IMMP2L: variants seen among roughly 807,000 people sequenced by gnomAD.
IMMP2L encodes inner mitochondrial membrane peptidase subunit 2, also known as mitochondrial inner membrane protease subunit 2.
In IMMP2L, 18 loss-of-function variants were observed where a neutral mutation model predicts 19.3. That is an observed-to-expected ratio of 0.93 (90% CI 0.64 to 1.38). The LOEUF (loss-of-function observed/expected upper bound fraction) is 1.38, where lower values mean the gene tolerates loss of function less well. Among genes scored for constraint, IMMP2L ranks in the 40% most tolerant of loss-of-function variants. The pLI is 0.00. For missense variants in IMMP2L, 233 were observed against 218.2 expected, an observed-to-expected ratio of 1.07 and a Z score of -0.43; for synonymous variants, 76 against 73.0, an observed-to-expected ratio of 1.04 and a Z score of -0.21.
At chr7:110,784,004 T>C (rs1204684242) in intron 5 of IMMP2L, among the ~76,000 whole-genome samples, 3 of 151,914 alleles carry the variant, frequency 2.0e-5, no homozygotes, top group Admixed American at 2.0e-4. Context: ...TTATGTCTTT[T>C]ATGGCACAAA....
chr7:111,499,749 C>G (rs1843973433), intron 2 of IMMP2L, among the ~76,000 whole-genome samples: 1 of 152,134 alleles, frequency 6.6e-6, no homozygotes, highest in Admixed American at 6.5e-5. Context: ...TGGAATGGTT[C>G]CCTAATTTAT....
intron 3 of IMMP2L, among the ~76,000 whole-genome samples, chr7:111,020,543 C>A (rs945625040): frequency 6.6e-6 from 1 of 152,246 alleles, no homozygotes; most frequent in Admixed American, 6.5e-5. Context: ...AGGTGGATTG[C>A]TTGAGCATAG....
intron 3 of IMMP2L, among the ~76,000 whole-genome samples, chr7:111,402,322 A>T (rs1344635411): frequency 2.0e-5 from 3 of 151,916 alleles, no homozygotes; most frequent in African/African-American, 7.2e-5. Flanking sequence ...TTCCTTATTC[A>T]TCTCTATAGA....
chr7:111,348,980 G>C (rs1291366112), intron 3 of IMMP2L, among the ~76,000 whole-genome samples: 1 of 152,104 alleles, frequency 6.6e-6, no homozygotes. Context: ...TTCCCAAGTA[G>C]ACTGAGTTCT....
chr7:110,758,294 A>G lies in IMMP2L; in HGVS notation c.409-94573T>C, dbSNP rs1798149770. ...AGGAGAAAAAACACCAGTTGTGAGT[A>G]AAGACAACTTTTTGAAGGAGTTTCA... On this transcript the variant is annotated intron_variant, in intron 5 of 5. Coordinates refer to ENST00000405709, the MANE Select transcript of IMMP2L (RefSeq NM_032549.4). The surrounding 1 kb of genome is among the most constrained non-coding windows in gnomAD (Gnocchi z 4.6). Among the ~76,000 whole-genome samples the G allele has an allele frequency of 6.6e-6, 1 of 152,086 alleles. No homozygotes were observed. Among genetic ancestry groups the G allele is most frequent in the Admixed American group, 6.6e-5 (1 of 15,228 alleles).
chr7:111,474,417 C>T (rs1188421833), intron 3 of IMMP2L, among the ~76,000 whole-genome samples: 1 of 151,970 alleles, frequency 6.6e-6, no homozygotes, highest in East Asian at 1.9e-4. Flanking sequence ...ATCACTTCTC[C>T]CATTTATAAA....
chr7:111,251,915 T>C (rs1172513778), intron 3 of IMMP2L, among the ~76,000 whole-genome samples: 1 of 151,976 alleles, frequency 6.6e-6, no homozygotes, highest in East Asian at 1.9e-4. Context: ...AAACATAATG[T>C]CATTGTGTCA....
intron 3 of IMMP2L, among the ~76,000 whole-genome samples, chr7:111,016,804 ATATAC>A (rs72145835): frequency 1.3e-3 from 70 of 51,874 alleles, no homozygotes; most frequent in East Asian, 9.4e-3. Context: ...AATATATAAT[ATATAC>A]TATATATTAT....
chr7:111,355,667 T>C (rs1246346402), intron 3 of IMMP2L, among the ~76,000 whole-genome samples: 1 of 151,966 alleles, frequency 6.6e-6, no homozygotes, highest in Admixed American at 6.6e-5. Context: ...AGAAATGTTG[T>C]TCATGAGTAA....
At chr7:110,799,359 A>C (rs1801087629) in intron 5 of IMMP2L, among the ~76,000 whole-genome samples, 1 of 152,054 alleles carries the variant, frequency 6.6e-6, no homozygotes, top group Admixed American at 6.6e-5. Context: ...AATTGAAGAA[A>C]AATTAAATGA....
intron 2 of IMMP2L, among the ~76,000 whole-genome samples, chr7:111,519,413 A>G (rs769012925): frequency 6.6e-6 from 1 of 152,172 alleles, no homozygotes; most frequent in Non-Finnish European, 1.5e-5. Flanking sequence ...CAAGGAAACT[A>G]TACAATATAC....
At chr7:111,455,040 C>A (rs1386307450) in intron 3 of IMMP2L, among the ~76,000 whole-genome samples, 2 of 151,640 alleles carry the variant, frequency 1.3e-5, no homozygotes, top group Non-Finnish European at 2.9e-5. Flanking sequence ...ATCTAGTATA[C>A]CCTTCCAGAT....
At chr7:111,499,729 T>A (rs1006252646) in intron 2 of IMMP2L, among the ~76,000 whole-genome samples, 1 of 152,166 alleles carries the variant, frequency 6.6e-6, no homozygotes, top group Non-Finnish European at 1.5e-5. Context: ...TAAGATTCTT[T>A]TCTGTTCTCT....
chr7:110,964,916 A>ACGTACTTAGT (rs1299827654), intron 3 of IMMP2L, among the ~76,000 whole-genome samples: 56 of 152,012 alleles, frequency 3.7e-4, no homozygotes, highest in African/African-American at 1.3e-3. Flanking sequence ...GCTTCAAAGC[A>ACGTACTTAGT]CGTACTTAGT....
chr7:111,396,844 G>A (rs1832919418), intron 3 of IMMP2L, among the ~76,000 whole-genome samples: 2 of 151,998 alleles, frequency 1.3e-5, no homozygotes, highest in African/African-American at 2.4e-5. Flanking sequence ...CAGCACTTTG[G>A]GAGGCCGAGG....
At chr7:111,142,947 C>A (rs939939858) in intron 3 of IMMP2L, among the ~76,000 whole-genome samples, 6 of 152,080 alleles carry the variant, frequency 3.9e-5, no homozygotes, top group African/African-American at 1.4e-4. Context: ...TAGAACCCAT[C>A]CTGTACTATT....
chr7:110,767,253 A>G, intron 5 of IMMP2L, among the ~76,000 whole-genome samples: 1 of 152,166 alleles, frequency 6.6e-6, no homozygotes, highest in East Asian at 1.9e-4. Flanking sequence ...AAAATGGAAA[A>G]GATTGATGAC....
intron 5 of IMMP2L, among the ~76,000 whole-genome samples, chr7:110,826,006 C>A (rs1275849093): frequency 6.6e-6 from 1 of 152,138 alleles, no homozygotes; most frequent in Non-Finnish European, 1.5e-5. Flanking sequence ...AAACAAACAA[C>A]CCCATCAAAA....
chr7:111,078,332 G>A (rs1250543905), intron 3 of IMMP2L, among the ~76,000 whole-genome samples: 1 of 152,144 alleles, frequency 6.6e-6, no homozygotes, highest in South Asian at 2.1e-4. Context: ...AAAGCAATCT[G>A]TATAATATAT....
Sources: allele counts gnomAD v4.1 joint callset (sites outside exome capture counted in the v4.1 genomes callset), GRCh38; gene constraint gnomAD v4.1.1; non-coding constraint Gnocchi (gnomAD v3.1); transcripts MANE v1.5; gene names NCBI Gene and HGNC (gene_info 2026-07-23, HGNC 2026-07-21).